ITGAE: variants seen among roughly 807,000 people sequenced by gnomAD.
ITGAE encodes integrin alpha-E.
Under a neutral mutation model 136.5 loss-of-function variants are expected in ITGAE, and 99 were observed. The ratio of observed to expected loss-of-function variants is 0.73; its 90% CI spans 0.62 to 0.86. The LOEUF is 0.86. Among genes scored for constraint, ITGAE ranks in the 40% least tolerant of loss-of-function variants. ITGAE has a pLI of 0.00. For synonymous variants in ITGAE, 613 were observed against 591.8 expected, an observed-to-expected ratio of 1.04 and a Z score of -0.52; for missense variants, 1,447 against 1,515.3, an observed-to-expected ratio of 0.95 and a Z score of 0.75.
chr17:3,729,665 G>A, intron 23 of ITGAE, 110 bp from the exon 24 acceptor site: 2 of 765,990 alleles, frequency 2.6e-6, no homozygotes, highest in South Asian at 2.8e-5. Flanking sequence ...TGCCGTCTCA[G>A]CTCACTGCAA....
chr17:3,735,910 G>A (rs888336775), intron 20 of ITGAE, among the ~76,000 whole-genome samples: 5 of 152,152 alleles, frequency 3.3e-5, no homozygotes, highest in East Asian at 3.9e-4. Flanking sequence ...TTGGGAGGCC[G>A]AGGCGGGTAG....
At chr17:3,776,135 G>A (rs1336406860) in intron 2 of ITGAE, among the ~76,000 whole-genome samples, 2 of 136,026 alleles carry the variant, frequency 1.5e-5, no homozygotes, top group African/African-American at 5.7e-5. Flanking sequence ...TTGGCTCACT[G>A]CAACCTCCAC....
At chr17:3,751,590 A>T in intron 15 of ITGAE, 60 bp downstream of exon 15, 1 of 1,497,344 alleles carries the variant, frequency 6.7e-7, no homozygotes, top group South Asian at 1.1e-5. Context: ...GGCTTGGGTC[A>T]TCATATCTGA....
chr17:3,780,315 C>T (rs1026300639), intron 1 of ITGAE, among the ~76,000 whole-genome samples: 2 of 151,878 alleles, frequency 1.3e-5, no homozygotes, highest in South Asian at 2.1e-4. Context: ...TGACTACAGG[C>T]GCCTGCCCGG....
chr17:3,752,370 C>G (rs1251040697), intron 14 of ITGAE, among the ~76,000 whole-genome samples: 2 of 152,186 alleles, frequency 1.3e-5, no homozygotes, highest in African/African-American at 4.8e-5. Flanking sequence ...CTTCCTCACC[C>G]GTAAGATGAG....
At chr17:3,750,058 C>T (rs143889871) in intron 16 of ITGAE, among the ~76,000 whole-genome samples, 161 of 152,320 alleles carry the variant, frequency 1.1e-3, no homozygotes, top group Middle Eastern at 3.4e-3. Context: ...TCACAGCCAT[C>T]GCTGAGCACT....
At position 3,755,109 on chromosome 17, in the gene ITGAE, G is replaced by GCCCTCATCAGGTGGCCCCC; in HGVS notation, c.1384+7_1384+8insGGGGGCCACCTGATGAGGG. The GCCCTCATCAGGTGGCCCCC allele has an allele frequency of 6.7e-7, 1 of 1,500,796 alleles. No individual in the cohort carries two copies. The allele number at this position is 1,500,796 out of a possible 1,614,324, so 93.0% of individuals were successfully genotyped here. On this transcript the variant is annotated splice_region_variant and intron_variant, in intron 12 of 30. Coordinates refer to ENST00000263087, the MANE Select transcript of ITGAE (RefSeq NM_002208.5). ...GGCCCCGCCCTCATCAGGTGGCCCC[G>GCCCTCATCAGGTGGCCCCC]CCCTCACCCAGGTAGCTGTACTGCG...
chr17:3,715,237 A>C (rs1821139), intron 30 of ITGAE, among the ~76,000 whole-genome samples: 22,800 of 152,240 alleles, frequency 0.15, 5,330 homozygotes, highest in African/African-American at 0.5. Context: ...TACTGGATCT[A>C]ATCTTATTTA....
intron 2 of ITGAE, among the ~76,000 whole-genome samples, chr17:3,764,525 C>T (rs759525308): frequency 3.9e-5 from 6 of 152,226 alleles, no homozygotes; most frequent in East Asian, 3.9e-4. Context: ...GGTGAAACCC[C>T]GTGTCTACTA....
intron 1 of ITGAE, chr17:3,784,375 AC>A: frequency 3.2e-6 from 1 of 310,102 alleles, no homozygotes; most frequent in Non-Finnish European, 6.2e-6. Flanking sequence ...AAAACTCTGT[AC>A]CCAACAATGG....
rs930173178 is a variant in ITGAE at position 3,761,659 on chromosome 17, G to A, written c.316-139C>T. The A allele has an allele frequency of 3.2e-5, 25 of 790,266 alleles. 1 individual carries two copies. The highest frequency in any genetic ancestry group is 2.1e-4 in the South Asian group (12 of 56,780). The allele number at this position is 790,266 out of a possible 1,614,324, so 49.0% of individuals were successfully genotyped here. ...AGGAAGAGCTGGCCCACCCCTCACC[G>A]GGTGTAGGAGTCAGTGTTGGCATCA... On this transcript the variant is annotated intron_variant, in intron 4 of 30. Coordinates refer to ENST00000263087, the MANE Select transcript of ITGAE (RefSeq NM_002208.5).
intron 20 of ITGAE, among the ~76,000 whole-genome samples, chr17:3,738,039 T>A (rs1439032294): frequency 5.9e-5 from 9 of 152,324 alleles, no homozygotes; most frequent in Non-Finnish European, 1.3e-4. Context: ...TGCAAATGTC[T>A]ATGAAAGGGC....
At chr17:3,741,685 A>G (rs1182651077) in intron 19 of ITGAE, among the ~76,000 whole-genome samples, 2 of 152,246 alleles carry the variant, frequency 1.3e-5, no homozygotes, top group African/African-American at 4.8e-5. Context: ...TTAATGACAC[A>G]GGCAAACAGC....
chr17:3,726,381 C>T, intron 26 of ITGAE: 1 of 1,323,244 alleles, frequency 7.6e-7, no homozygotes, highest in Non-Finnish European at 1.1e-6. Flanking sequence ...GGTCTTGAAG[C>T]CTCTGGTGCT....
intron 18 of ITGAE, among the ~76,000 whole-genome samples, chr17:3,745,188 A>G (rs1427053613): frequency 6.6e-6 from 1 of 151,730 alleles, no homozygotes; most frequent in East Asian, 1.9e-4. Context: ...CACTTTTTTG[A>G]TGCCAACTGA....
At chr17:3,724,943 A>G (rs2051171919) in intron 26 of ITGAE, 1 of 1,613,788 alleles carries the variant, frequency 6.2e-7, no homozygotes, top group Non-Finnish European at 8.5e-7. Context: ...GAACTAGATC[A>G]AGCCGGAAGA....
At chr17:3,801,041 G>A (rs1439609750) in intron 1 of ITGAE, 70 bp downstream of exon 1, 5 of 1,536,252 alleles carry the variant, frequency 3.3e-6, no homozygotes, top group South Asian at 1.1e-5. Flanking sequence ...AGTCAAGGCT[G>A]TAGTCTGCAG....
Position 3,777,679 on chromosome 17 carries a change from C to T in ITGAE, c.35-19G>A, listed in dbSNP as rs751938057. The T allele has an allele frequency of 1.3e-5, 21 of 1,593,156 alleles. No individual in the cohort carries two copies. Among genetic ancestry groups the T allele is most frequent in the East Asian group, 4.5e-5 (2 of 44,574 alleles). On this transcript the variant is annotated intron_variant, in intron 1 of 30. Transcript: ENST00000263087. The stretch of plus-strand genomic sequence containing the variant: ...GCCAGGCCTGTAGGGAAAAGAGGAG[C>T]GTTTAATGAAAGAGGCCTTTTACTC...
intron 19 of ITGAE, 83 bp from the exon 20 acceptor site, chr17:3,739,961 G>T: frequency 9.0e-7 from 1 of 1,117,094 alleles, no homozygotes; most frequent in Non-Finnish European, 1.4e-6. Flanking sequence ...CTTATAGGAA[G>T]TTTTGGGCTG....
Sources: allele counts gnomAD v4.1 joint callset (sites outside exome capture counted in the v4.1 genomes callset), GRCh38; gene constraint gnomAD v4.1.1; transcripts MANE v1.5; gene names NCBI Gene and HGNC (gene_info 2026-07-23, HGNC 2026-07-21).